The following SPTA1 variants were observed in gnomAD, a reference collection of about 807,000 sequenced individuals.
The protein encoded by SPTA1 is spectrin alpha chain, erythrocytic 1.
Under a neutral mutation model 324.7 loss-of-function variants are expected in SPTA1, and 177 were observed. The observed-to-expected ratio is 0.55, with a 90% CI of 0.48 to 0.62. SPTA1 has a LOEUF of 0.62. Ranked by LOEUF, SPTA1 falls within the 20% of genes least tolerant of loss-of-function variation. SPTA1 has a pLI of 0.00. For synonymous variants in SPTA1, 1,195 were observed against 1,041.3 expected (o/e 1.15, Z -2.84); for missense variants, 3,162 against 2,883.6 (o/e 1.10, Z -2.21).
At chr1:158,675,078 A>G (rs1242138299) in intron 8 of SPTA1, among the ~76,000 whole-genome samples, 1 of 152,160 alleles carries the variant, frequency 6.6e-6, no homozygotes, top group Non-Finnish European at 1.5e-5. Context: ...TTCCTCATCT[A>G]TCTAGCTCAT....
Position 158,620,188 on chromosome 1 carries a change from G to T in SPTA1, c.6399C>A (p.His2133Gln). Residue 2133 changes from histidine to glutamine, a missense_variant, in exon 44 of 52, where the codon CAC (histidine) becomes CAA (glutamine). Physicochemically the swap from His to Gln is conservative, Grantham distance 24. Transcript: ENST00000643759. ...AGGTTACCTCAATGATGTCAGATAG[G>T]TGCTTCCAGGTCCTTTCCAGCACCT... ...TVEVLERTWKHLSDIIEEREQ... is the reference protein window; with the variant it reads ...TVEVLERTWKQLSDIIEEREQ... 1 of 1,614,120 alleles carries T rather than the reference G, an allele frequency of 6.2e-7. No individual in the cohort carries two copies. Among genetic ancestry groups the T allele is most frequent in the African/African-American group, 1.3e-5 (1 of 75,016 alleles).
chr1:158,642,647 G>C, intron 32 of SPTA1, 105 bp from the exon 33 acceptor site: 1 of 1,571,834 alleles, frequency 6.4e-7, no homozygotes. Flanking sequence ...TCATAACTGA[G>C]GTGACGGTGA....
intron 8 of SPTA1, 110 bp downstream of exon 8, chr1:158,676,031 G>T: frequency 6.9e-7 from 1 of 1,443,356 alleles, no homozygotes; most frequent in Non-Finnish European, 9.6e-7. Context: ...GAGCAGGCAG[G>T]AGAGCTGATT....
intron 39 of SPTA1, among the ~76,000 whole-genome samples, chr1:158,633,368 T>C (rs1180724140): frequency 6.6e-6 from 1 of 152,146 alleles, no homozygotes; most frequent in Non-Finnish European, 1.5e-5. Context: ...TGTGAATCTA[T>C]AATTCTCAAA....
intron 8 of SPTA1, among the ~76,000 whole-genome samples, chr1:158,675,711 A>T (rs184109970): frequency 3.9e-4 from 59 of 152,314 alleles, no homozygotes; most frequent in African/African-American, 1.4e-3. Context: ...TGTGATACTA[A>T]GACAGTCAAT....
intron 49 of SPTA1, 89 bp from the exon 50 acceptor site, chr1:158,613,956 T>G: frequency 7.0e-7 from 1 of 1,427,562 alleles, no homozygotes; most frequent in Non-Finnish European, 9.6e-7. Context: ...TTGCGTCAGC[T>G]GAAGCTTTAT....
At chr1:158,635,156 C>T (rs1419832883) in intron 38 of SPTA1, among the ~76,000 whole-genome samples, 1 of 152,062 alleles carries the variant, frequency 6.6e-6, no homozygotes, top group Non-Finnish European at 1.5e-5. Flanking sequence ...CTCCGTTTCC[C>T]CACCCAAATC....
intron 42 of SPTA1, among the ~76,000 whole-genome samples, chr1:158,623,397 T>A (rs1177839057): frequency 6.6e-6 from 1 of 152,210 alleles, no homozygotes; most frequent in Non-Finnish European, 1.5e-5. Context: ...AGATTTTATG[T>A]TAGGTATAAA....
At chr1:158,673,502 G>A (rs1006708289) in intron 10 of SPTA1, among the ~76,000 whole-genome samples, 3 of 152,196 alleles carry the variant, frequency 2.0e-5, no homozygotes, top group Non-Finnish European at 2.9e-5. Flanking sequence ...AATGCTGGGT[G>A]TTTAAGATTG....
chr1:158,626,925 G>T lies in SPTA1; in HGVS notation c.5747C>A (p.Ala1916Glu). 6.2e-7 allele frequency: 1 copy of T among 1,613,952 alleles called. No homozygotes were observed. Among genetic ancestry groups the T allele is most frequent in the Non-Finnish European group, 8.5e-7 (1 of 1,179,860 alleles). Residue 1916 changes from alanine (A) to glutamate (E), a missense_variant, in exon 41 of 52, where the codon GCA becomes GAA. Coordinates refer to ENST00000643759, the MANE Select transcript of SPTA1 (RefSeq NM_003126.4). ...LNEKTPSLAK[A>E]IAAWKLQLED... is the part of the protein sequence containing the mutation. ...CAATTGCAACTTCCAAGCAGCTATT[G>T]CCTTAGCCAGAGAAGGGGTCTTTTC... is the stretch of plus-strand genomic sequence containing the variant.
Position 158,653,299 on chromosome 1 carries a change from GGGT to G in SPTA1, c.3160_3162del (p.Thr1054del). The G allele has an allele frequency of 6.2e-7, 1 of 1,614,112 alleles. No homozygotes were observed. Among genetic ancestry groups the G allele is most frequent in the African/African-American group, 1.3e-5 (1 of 75,012 alleles). On this transcript the variant is annotated inframe_deletion, in exon 22 of 52. Coordinates refer to ENST00000643759, the MANE Select transcript of SPTA1 (RefSeq NM_003126.4). ...TGGTTCTCAATCTGCTCCTGGCGCT[GGGT>G]GATGTTTCCTGGCTCTTCTCGTCGC...
intron 24 of SPTA1, among the ~76,000 whole-genome samples, chr1:158,650,840 CT>C (rs1393532171): frequency 6.6e-6 from 1 of 152,074 alleles, no homozygotes; most frequent in Non-Finnish European, 1.5e-5. Flanking sequence ...TTGGTGTAGC[CT>C]GGTACAGAAG....
intron 15 of SPTA1, among the ~76,000 whole-genome samples, chr1:158,667,281 A>T (rs979290553): frequency 6.6e-6 from 1 of 152,206 alleles, no homozygotes; most frequent in African/African-American, 2.4e-5. Flanking sequence ...AATTACTAAA[A>T]ATTGATTAAT....
rs1401978488 is a variant in SPTA1 at position 158,657,552 on chromosome 1, T to G, written c.2730A>C (p.Glu910Asp). 2 of 1,614,104 alleles carry G rather than the reference T, an allele frequency of 1.2e-6. No homozygotes were observed. Among genetic ancestry groups the G allele is most frequent in the South Asian group, 2.2e-5 (2 of 91,084 alleles). The change falls in exon 19 of 52, where the codon GAA (glutamate) becomes GAC (aspartate). Residue 910 changes from glutamate to aspartate, a missense_variant. Glu to Asp is a conservative substitution (Grantham distance 45, BLOSUM62 2). Coordinates refer to ENST00000643759, the MANE Select transcript of SPTA1 (RefSeq NM_003126.4). ...QFQQYLADLH[E>D]AETWIREKEP... is the part of the protein sequence containing the mutation. ...CCTTCTCTCTGATCCATGTTTCTGC[T>G]TCATGCAGGTCAGCCAGGTACTGCT... is the stretch of plus-strand genomic sequence containing the variant.
Position 158,661,297 on chromosome 1 carries a change from C to T in SPTA1, c.2577G>A (p.Met859Ile), listed in dbSNP as rs1239542936. 1.1e-5 allele frequency: 18 copies of T among 1,613,794 alleles called. No individual in the cohort carries two copies. Among genetic ancestry groups the T allele is most frequent in the African/African-American group, 4.0e-5 (3 of 74,896 alleles). ...CTCAATCATACATACCTTCCTCTAC[C>T]ATTTTGTTTCCCCTTTCTGTTATCT... Reference protein sequence around the residue: ...IQEITERGNKMVEEGHFAAED... With the variant: ...IQEITERGNKIVEEGHFAAED... Residue 859 changes from methionine to isoleucine, a missense_variant, in exon 18 of 52, where the codon ATG becomes ATA. Transcript: ENST00000643759.
intron 35 of SPTA1, among the ~76,000 whole-genome samples, chr1:158,638,566 C>T (rs903953810): frequency 6.6e-6 from 1 of 151,734 alleles, no homozygotes; most frequent in Non-Finnish European, 1.5e-5. Context: ...GCCTGTAATC[C>T]CAGCACTTTG....
intron 33 of SPTA1, among the ~76,000 whole-genome samples, chr1:158,641,273 C>T (rs1331319603): frequency 6.6e-6 from 1 of 151,904 alleles, no homozygotes; most frequent in African/African-American, 2.4e-5. Context: ...TCTAAAACAC[C>T]AAAAGCAATG....
intron 46 of SPTA1, 112 bp downstream of exon 46, chr1:158,617,927 A>T: frequency 9.6e-7 from 1 of 1,042,676 alleles, no homozygotes; most frequent in Non-Finnish European, 1.5e-6. Context: ...ATTTTTATTT[A>T]CATACTACCA....
intron 7 of SPTA1, 113 bp from the exon 8 acceptor site, chr1:158,676,408 A>G: frequency 8.8e-7 from 1 of 1,132,888 alleles, no homozygotes; most frequent in Admixed American, 1.9e-5. Flanking sequence ...TTAGAAATCG[A>G]CATATGAATA....
Sources: gnomAD v4.1 joint callset for allele counts (sites outside exome capture counted in the v4.1 genomes callset) on GRCh38, gnomAD v4.1.1 for gene constraint, MANE v1.5 for transcripts, NCBI Gene and HGNC (gene_info 2026-07-23, HGNC 2026-07-21) for gene names.